The following SLC37A2 variants were observed in gnomAD, a reference collection of about 807,000 sequenced individuals.
SLC37A2 encodes the protein glucose-6-phosphate exchanger SLC37A2.
A neutral mutation model predicts 70.7 loss-of-function variants in SLC37A2; 59 were observed. The observed-to-expected ratio is 0.83, with a 90% CI of 0.68 to 1.04. The LOEUF (loss-of-function observed/expected upper bound fraction) is 1.04, where lower values mean the gene tolerates loss of function less well. SLC37A2 is among the 50% of genes least tolerant of loss of function. SLC37A2 has a pLI of 0.00. For missense variants in SLC37A2, 580 were observed against 658.1 expected (o/e 0.88, Z 1.30); for synonymous variants, 257 against 262.1 (o/e 0.98, Z 0.19).
At position 125,086,027 on chromosome 11, in the gene SLC37A2, G is replaced by C; in HGVS notation, c.1490+9G>C. ...CTGAGCAGAGGCAGCGGGTGAGTCC[G>C]GGGAGCTGAAGCTGCCCCTCTACCA... On this transcript the variant is annotated intron_variant, in intron 17 of 17. Transcript: ENST00000403796. 1 of 1,613,270 alleles carries C rather than the reference G, an allele frequency of 6.2e-7. No homozygotes were observed. Among genetic ancestry groups the C allele is most frequent in the South Asian group, 1.1e-5 (1 of 91,062 alleles).
chr11:125,072,000 C>T (rs1396544195), intron 1 of SLC37A2, among the ~76,000 whole-genome samples: 1 of 152,094 alleles, frequency 6.6e-6, no homozygotes, highest in East Asian at 1.9e-4. Context: ...GCCAAAGTCA[C>T]CTGCAGCCAC....
rs373024336 is a variant in SLC37A2, at chr11:125,073,371, A to G, written c.60-3386A>G. On this transcript the variant is annotated intron_variant, in intron 1 of 17. Coordinates refer to ENST00000403796, the MANE Select transcript of SLC37A2 (RefSeq NM_001145290.2). ...AGCGGGAGGCGGGGTGGAGGGGGAC[A>G]GGCTGGCAGCCACATCTCTACCTTC... Among the ~76,000 whole-genome samples, 23 of 152,362 alleles carry G rather than the reference A, an allele frequency of 1.5e-4. No individual in the cohort carries two copies. The East Asian group carries it at 4.1e-3, about 27-fold the overall frequency.
chr11:125,080,566 T>C lies in SLC37A2; in HGVS notation c.528-48T>C. The C allele has an allele frequency of 7.1e-7, 1 of 1,411,960 alleles. No individual in the cohort carries two copies. Among genetic ancestry groups the C allele is most frequent in the South Asian group, 1.7e-5 (1 of 59,546 alleles). The allele number at this position is 1,411,960 out of a possible 1,614,324, so 87.5% of individuals were successfully genotyped here. A position where few individuals can be genotyped will look rare whatever the true frequency, so the allele number is the denominator to read the frequency against. ...GGGGCAGTTGCTATGAACAATGTGCTTTGCTTTTTACTTTTTATACCTCTT... is the reference window on the plus strand; with the variant it reads ...GGGGCAGTTGCTATGAACAATGTGCCTTGCTTTTTACTTTTTATACCTCTT... On this transcript the variant is annotated intron_variant, in intron 6 of 17. Coordinates refer to ENST00000403796, the MANE Select transcript of SLC37A2 (RefSeq NM_001145290.2). This position sits in a 1 kb window ranked among gnomAD's most constrained non-coding sequence, Gnocchi z 4.3.
rs376377241 is a variant in SLC37A2, at chr11:125,079,086, C to T, written c.315-26C>T. 3.8e-5 allele frequency: 61 copies of T among 1,613,798 alleles called. 1 individual carries two copies. The African/African-American group carries it at 5.2e-4, about 14-fold the overall frequency. On this transcript the variant is annotated intron_variant, in intron 4 of 17. Transcript: ENST00000403796. ...TGAGGTGGACACAGAGGAGCTTAAC[C>T]GCAGATCCAACTTTCTCTTCCCCAG...
Position 125,085,051 on chromosome 11 carries a change from T to C in SLC37A2, c.1175-15T>C. ...GGTGCTGCTTCTCTGACTGGCTGTCTCTATGCTGTCCCAGTGATGCTGATC... is the reference window on the plus strand; with the variant it reads ...GGTGCTGCTTCTCTGACTGGCTGTCCCTATGCTGTCCCAGTGATGCTGATC... On this transcript the variant is annotated splice_polypyrimidine_tract_variant and intron_variant, in intron 13 of 17. Transcript: ENST00000403796. 1 of 1,613,886 alleles carries C rather than the reference T, an allele frequency of 6.2e-7. No homozygotes were observed. Among genetic ancestry groups the C allele is most frequent in the Non-Finnish European group, 8.5e-7 (1 of 1,179,830 alleles).
Position 125,084,317 on chromosome 11 carries a change from A to G in SLC37A2, c.1123A>G (p.Met375Val). Reference sequence around the variant, plus strand: ...TGTCATGCTCATCTTGGCTGCCCCCATGGTGCGTATAACCCCGAGGGTGAA... The same window carrying G: ...TGTCATGCTCATCTTGGCTGCCCCCGTGGTGCGTATAACCCCGAGGGTGAA... ...CCVMLILAAP[M>V]MFLYNYIGQD... The change falls in exon 12 of 18, where the codon ATG (methionine) becomes GTG (valine). Residue 375 changes from methionine to valine, a missense_variant and splice_region_variant. Transcript: ENST00000403796. The G allele has an allele frequency of 3.7e-6, 6 of 1,614,174 alleles. No homozygotes were observed. The highest frequency in any genetic ancestry group is 5.1e-6 in the Non-Finnish European group (6 of 1,180,004).
chr11:125,084,165 T>C (rs1387550866), intron 11 of SLC37A2, 69 bp from the exon 12 acceptor site: 6 of 1,557,540 alleles, frequency 3.9e-6, no homozygotes, highest in Non-Finnish European at 5.3e-6. Flanking sequence ...GGGGCACAGC[T>C]GGGGTGCCAG....
At position 125,079,123 on chromosome 11, in the gene SLC37A2, G is replaced by A. The variant is rs1949120395; in HGVS notation, c.326G>A (p.Gly109Glu). ...AIGMFISGVF[G>E]ERLPLRYYLS... ...TTTCTCTTCCCCAGTGGGGTTTTTG[G>A]GGAGCGGCTTCCGCTCCGTTACTAC... Residue 109 changes from glycine to glutamate, a missense_variant, in exon 5 of 18, where the codon GGG becomes GAG. Physicochemically the swap from Gly to Glu is moderately conservative, Grantham distance 98. Transcript: ENST00000403796. 1.9e-6 allele frequency: 3 copies of A among 1,614,032 alleles called. No homozygotes were observed. Among genetic ancestry groups the A allele is most frequent in the Admixed American group, 3.3e-5 (2 of 59,996 alleles).
rs1949274592 is a variant in SLC37A2, at chr11:125,090,447, G to A, written c.*2313G>A. On this transcript the variant is annotated 3_prime_UTR_variant, in exon 18 of 18. Transcript: ENST00000403796. Reference sequence around the variant, plus strand: ...AAAGCAGGCTGCCCGAGCCAGCATTGGCAACTCGCTCGGGTCCCCTTCCAC... The same window carrying A: ...AAAGCAGGCTGCCCGAGCCAGCATTAGCAACTCGCTCGGGTCCCCTTCCAC... 1 of 152,348 alleles carries A rather than the reference G, an allele frequency of 6.6e-6. No individual in the cohort carries two copies. Among genetic ancestry groups the A allele is most frequent in the African/African-American group, 2.4e-5 (1 of 41,440 alleles). 9.4% of individuals were successfully genotyped at this position (152,348 alleles called of 1,614,324 possible). A position where few individuals can be genotyped will look rare whatever the true frequency, so the allele number is the denominator to read the frequency against.
intron 5 of SLC37A2, 56 bp downstream of exon 5, chr11:125,079,303 G>T (rs762140093): frequency 1.4e-5 from 22 of 1,609,930 alleles, no homozygotes; most frequent in Non-Finnish European, 1.8e-5. Flanking sequence ...AAGGACCTGG[G>T]AGACCGCAGC....
chr11:125,076,406 C>T (rs188747742), intron 1 of SLC37A2, among the ~76,000 whole-genome samples: 1 of 152,338 alleles, frequency 6.6e-6, no homozygotes, highest in East Asian at 1.9e-4. Context: ...CCTGCCCCCA[C>T]CTCTGCCACA....
In SLC37A2 at chr11:125,070,138, G is replaced by C. The variant is rs187962951; in HGVS notation, c.60-6619G>C. On this transcript the variant is annotated intron_variant, in intron 1 of 17. Transcript: ENST00000403796. ...CTGGATGAGCAGGAATGGGCAGGAG[G>C]GTGAATTGGGCAGGCAGGAAGAGCA... Among the ~76,000 whole-genome samples, 823 of 152,340 alleles carry C rather than the reference G, an allele frequency of 5.4e-3. 7 individuals are homozygous for C. The highest frequency in any genetic ancestry group is 0.018 in the African/African-American group (768 of 41,570).
At chr11:125,076,904 C>A in intron 2 of SLC37A2, 66 bp downstream of exon 2, 1 of 1,511,428 alleles carries the variant, frequency 6.6e-7, no homozygotes, top group Non-Finnish European at 9.1e-7. Context: ...TACCCCTTCC[C>A]ATGGCCACCG....
At chr11:125,065,090 G>A (rs7128318) in intron 1 of SLC37A2, among the ~76,000 whole-genome samples, 151,686 of 152,358 alleles carry the variant, frequency 1, 75,508 homozygotes, top group East Asian at 1. Context: ...ATTTTGCATG[G>A]CTTCTCAGTT....
chr11:125,065,959 T>A (rs1243205904), intron 1 of SLC37A2, among the ~76,000 whole-genome samples: 2 of 152,256 alleles, frequency 1.3e-5, no homozygotes, highest in East Asian at 3.8e-4. Context: ...CTTCCTTATA[T>A]GTCCAGAAAA....
rs2135574860 is a variant in SLC37A2, at chr11:125,083,265, C to T, written c.977-550C>T. ...ACACCGTGACTCTTTGTTTTGTGGC[C>T]TTGGTGCTGACTTCAGAGTATGAGG... On this transcript the variant is annotated intron_variant, in intron 10 of 17. Coordinates refer to ENST00000403796, the MANE Select transcript of SLC37A2 (RefSeq NM_001145290.2). The surrounding 1 kb of genome is among the most constrained non-coding windows in gnomAD (Gnocchi z 4.6). 6.5e-6 allele frequency: 1 copy of T among 152,976 alleles called. No homozygotes were observed. Among genetic ancestry groups the T allele is most frequent in the Non-Finnish European group, 1.5e-5 (1 of 68,546 alleles). 9.5% of individuals were successfully genotyped at this position (152,976 alleles called of 1,614,324 possible). A position where few individuals can be genotyped will look rare whatever the true frequency, so the allele number is the denominator to read the frequency against.
intron 4 of SLC37A2, among the ~76,000 whole-genome samples, chr11:125,077,795 G>A (rs1349841567): frequency 1.3e-5 from 2 of 152,214 alleles, no homozygotes; most frequent in East Asian, 3.9e-4. Context: ...GGTGGGTATG[G>A]ACTAGGACCC....
chr11:125,088,282 T>A lies in SLC37A2; in HGVS notation c.*148T>A. 1 of 843,338 alleles carries A rather than the reference T, an allele frequency of 1.2e-6. No homozygotes were observed. The highest frequency in any genetic ancestry group is 1.9e-6 in the Non-Finnish European group (1 of 540,184). The allele number at this position is 843,338 out of a possible 1,614,324, so 52.2% of individuals were successfully genotyped here. A position where few individuals can be genotyped will look rare whatever the true frequency, so the allele number is the denominator to read the frequency against. On this transcript the variant is annotated 3_prime_UTR_variant, in exon 18 of 18. Coordinates refer to ENST00000403796, the MANE Select transcript of SLC37A2 (RefSeq NM_001145290.2). ...GCCCAGCCCAGACCCCAGGGCTGCC[T>A]AAGGACACAGAGATTCTCCATGGGA...
chr11:125,079,582 C>A (rs888047643), intron 5 of SLC37A2, 102 bp from the exon 6 acceptor site: 5 of 894,180 alleles, frequency 5.6e-6, no homozygotes, highest in Non-Finnish European at 8.8e-6. Context: ...ATGGAGGGCC[C>A]CTTGGCCACG....
Sources: gnomAD v4.1 joint callset for allele counts (sites outside exome capture counted in the v4.1 genomes callset) on GRCh38, gnomAD v4.1.1 for gene constraint, Gnocchi (gnomAD v3.1) non-coding constraint, MANE v1.5 for transcripts, NCBI Gene and HGNC (gene_info 2026-07-23, HGNC 2026-07-21) for gene names.